The following GALNTL6 variants were observed in gnomAD, a reference collection of about 807,000 sequenced individuals.
The protein encoded by GALNTL6 is polypeptide N-acetylgalactosaminyltransferase like 6.
GALNTL6 carries 46 observed loss-of-function variants against 73.7 expected under a neutral mutation model. The observed-to-expected ratio is 0.62, with a 90% confidence interval of 0.49 to 0.80. The LOEUF (loss-of-function observed/expected upper bound fraction) is 0.80, where lower values mean the gene tolerates loss of function less well. GALNTL6 is among the 30% of genes least tolerant of loss of function. The pLI, the probability that GALNTL6 is intolerant of heterozygous loss-of-function variation, is 0.00. For missense variants in GALNTL6, 604 were observed against 755.0 expected (o/e 0.80, Z 2.34); for synonymous variants, 259 against 263.7 (o/e 0.98, Z 0.17).
At chr4:172,264,644 A>G (rs1251607886) in intron 3 of GALNTL6, among the ~76,000 whole-genome samples, 1 of 143,932 alleles carries the variant, frequency 6.9e-6, no homozygotes, top group Non-Finnish European at 1.5e-5. Context: ...ATATGTGTAT[A>G]TACGTATAAG....
At chr4:172,958,783 G>A (rs1401355409) in intron 10 of GALNTL6, among the ~76,000 whole-genome samples, 1 of 152,188 alleles carries the variant, frequency 6.6e-6, no homozygotes, top group African/African-American at 2.4e-5. Context: ...GGATGTCAGG[G>A]TCAGTCTAAG....
At chr4:172,861,057 A>G (rs2111135681) in intron 7 of GALNTL6, among the ~76,000 whole-genome samples, 1 of 152,334 alleles carries the variant, frequency 6.6e-6, no homozygotes, top group East Asian at 1.9e-4. Context: ...AGCTTACAGA[A>G]GAGAAACTTG....
chr4:172,124,671 A>G (rs562657364), intron 2 of GALNTL6, among the ~76,000 whole-genome samples: 1 of 152,326 alleles, frequency 6.6e-6, no homozygotes, highest in Non-Finnish European at 1.5e-5. Context: ...ACCAAAAAAG[A>G]AAAAAACAAA....
At chr4:172,521,047 T>G (rs1243856872) in intron 5 of GALNTL6, among the ~76,000 whole-genome samples, 1 of 152,078 alleles carries the variant, frequency 6.6e-6, no homozygotes, top group African/African-American at 2.4e-5. Context: ...TTTCTTTATT[T>G]GCAAGAATGT....
At chr4:171,844,031 A>G (rs1447962601) in intron 2 of GALNTL6, among the ~76,000 whole-genome samples, 1 of 152,192 alleles carries the variant, frequency 6.6e-6, no homozygotes, top group East Asian at 1.9e-4. Context: ...GTTTGTGTAA[A>G]TGCTCTTCTA....
chr4:173,025,809 T>C (rs767058644), intron 12 of GALNTL6, among the ~76,000 whole-genome samples: 1 of 152,202 alleles, frequency 6.6e-6, no homozygotes, highest in Non-Finnish European at 1.5e-5. Flanking sequence ...TGTAAGGGGA[T>C]CTTGAATAGT....
At chr4:172,963,907 A>G (rs1750204103) in intron 10 of GALNTL6, among the ~76,000 whole-genome samples, 1 of 151,294 alleles carries the variant, frequency 6.6e-6, no homozygotes, top group South Asian at 2.1e-4. Context: ...TCTGCCTACC[A>G]GCTTCCTACT....
intron 2 of GALNTL6, among the ~76,000 whole-genome samples, chr4:172,020,885 T>C (rs1741376409): frequency 1.3e-5 from 2 of 152,010 alleles, no homozygotes; most frequent in Non-Finnish European, 1.5e-5. Flanking sequence ...CTGATAAATA[T>C]TGATGCAAAA....
chr4:172,594,652 T>C (rs1295019562), intron 5 of GALNTL6, among the ~76,000 whole-genome samples: 1 of 152,214 alleles, frequency 6.6e-6, no homozygotes, highest in Non-Finnish European at 1.5e-5. Flanking sequence ...ACAGTCCTAT[T>C]TTATTTAGTA....
rs1554008987 is a variant in GALNTL6 at position 172,270,729 on chromosome 4, T to TGATAGATAGATAGATAGATAGATGATA, written c.248-40879_248-40853dup. 1.5e-4 allele frequency among the ~76,000 whole-genome samples: 23 copies of TGATAGATAGATAGATAGATAGATGATA among 151,700 alleles called. No individual in the cohort carries two copies. The East Asian group carries it at 3.9e-3, about 26-fold the overall frequency. ...TATACTTTCTTGATAGGTAGGTAGA[T>TGATAGATAGATAGATAGATAGATGATA]GATAGATAGATAGATAGATAGATGA... On this transcript the variant is annotated intron_variant, in intron 3 of 12. Coordinates refer to ENST00000506823, the MANE Select transcript of GALNTL6 (RefSeq NM_001034845.3).
chr4:172,158,538 G>T (rs1157663273), intron 2 of GALNTL6, among the ~76,000 whole-genome samples: 1 of 151,960 alleles, frequency 6.6e-6, no homozygotes, highest in South Asian at 2.1e-4. Context: ...TGCCAATCTG[G>T]TAGTGAGGGA....
intron 2 of GALNTL6, among the ~76,000 whole-genome samples, chr4:172,191,606 C>G (rs1735589858): frequency 6.6e-6 from 1 of 152,126 alleles, no homozygotes. Flanking sequence ...CTTAATGTCC[C>G]CAAATATATG....
At chr4:172,652,991 A>G (rs1286533752) in intron 5 of GALNTL6, among the ~76,000 whole-genome samples, 1 of 152,152 alleles carries the variant, frequency 6.6e-6, no homozygotes, top group East Asian at 1.9e-4. Flanking sequence ...CTGATTCAGT[A>G]TCATCTCAGT....
intron 8 of GALNTL6, among the ~76,000 whole-genome samples, chr4:172,884,754 T>A (rs1407895972): frequency 6.6e-6 from 1 of 152,220 alleles, no homozygotes; most frequent in African/African-American, 2.4e-5. Flanking sequence ...TAGTTTTGGG[T>A]CACATAGCTA....
chr4:172,804,020 A>G (rs892748785), intron 5 of GALNTL6, among the ~76,000 whole-genome samples: 2 of 152,226 alleles, frequency 1.3e-5, no homozygotes, highest in African/African-American at 4.8e-5. Context: ...GACTTAAAAT[A>G]TTTATGTTTC....
chr4:172,453,123 A>C (rs1380505954), intron 5 of GALNTL6, among the ~76,000 whole-genome samples: 1 of 151,968 alleles, frequency 6.6e-6, no homozygotes, highest in Non-Finnish European at 1.5e-5. Flanking sequence ...ATCGTTTAGA[A>C]CCCAGGAGGC....
intron 5 of GALNTL6, among the ~76,000 whole-genome samples, chr4:172,802,482 C>T (rs940892765): frequency 2.0e-5 from 3 of 152,154 alleles, no homozygotes. Context: ...ACTCTTCAAA[C>T]TTCCATGATT....
chr4:171,819,188 G>C (rs1407013353), intron 2 of GALNTL6, among the ~76,000 whole-genome samples: 2 of 152,012 alleles, frequency 1.3e-5, no homozygotes, highest in Admixed American at 1.3e-4. Flanking sequence ...GTCTTAATTA[G>C]CTAAGATGTA....
chr4:172,964,091 A>G (rs931345545), intron 10 of GALNTL6, among the ~76,000 whole-genome samples: 7 of 152,208 alleles, frequency 4.6e-5, no homozygotes, highest in African/African-American at 1.4e-4. Flanking sequence ...CTGTTCAAAT[A>G]GAAGCAATGT....
Sources: allele counts gnomAD v4.1 joint callset (sites outside exome capture counted in the v4.1 genomes callset), GRCh38; gene constraint gnomAD v4.1.1; transcripts MANE v1.5; gene names NCBI Gene and HGNC (gene_info 2026-07-23, HGNC 2026-07-21).